Variants in FCHSD2 observed in about 807,000 individuals in gnomAD.
FCHSD2 encodes the protein FCH and double SH3 domains 2, also known as F-BAR and double SH3 domains protein 2.
In FCHSD2, 38 loss-of-function variants were observed where a neutral mutation model predicts 108.1. That is an observed-to-expected ratio of 0.35 (90% CI 0.27 to 0.46). The LOEUF is 0.46. Ranked by LOEUF, FCHSD2 falls within the 20% of genes least tolerant of loss-of-function variation. The pLI, the probability that FCHSD2 is intolerant of heterozygous loss-of-function variation, is 1.00. For missense variants in FCHSD2, 751 were observed against 897.8 expected (o/e 0.84, Z 2.09); for synonymous variants, 279 against 314.7 (o/e 0.89, Z 1.20).
At chr11:72,993,351 C>T (rs1402262992) in intron 5 of FCHSD2, among the ~76,000 whole-genome samples, 41 of 152,184 alleles carry the variant, frequency 2.7e-4, no homozygotes, top group Admixed American at 1.1e-3. Flanking sequence ...GTCAGTGTGG[C>T]GATTCCTCAG....
chr11:73,128,664 T>C (rs925958666), intron 2 of FCHSD2, among the ~76,000 whole-genome samples: 2 of 152,162 alleles, frequency 1.3e-5, no homozygotes, highest in African/African-American at 4.8e-5. Context: ...AGTTGTTATA[T>C]GAAAATATAG....
At chr11:73,053,608 A>G (rs1384450485) in intron 3 of FCHSD2, among the ~76,000 whole-genome samples, 2 of 152,200 alleles carry the variant, frequency 1.3e-5, no homozygotes, top group African/African-American at 4.8e-5. Context: ...CGTCAATCCA[A>G]CCTAGATTAG....
intron 8 of FCHSD2, among the ~76,000 whole-genome samples, chr11:72,976,528 C>T (rs1238201002): frequency 6.6e-6 from 1 of 152,128 alleles, no homozygotes; most frequent in African/African-American, 2.4e-5. Flanking sequence ...GATCCTCCCA[C>T]CCCCGCCTTC....
chr11:72,973,654 A>G (rs1420295916), intron 8 of FCHSD2, among the ~76,000 whole-genome samples: 2 of 152,096 alleles, frequency 1.3e-5, no homozygotes, highest in Non-Finnish European at 2.9e-5. Context: ...CTGTACTGAG[A>G]GTGTTTCATT....
At chr11:72,946,190 T>A (rs904397300) in intron 8 of FCHSD2, among the ~76,000 whole-genome samples, 14 of 152,092 alleles carry the variant, frequency 9.2e-5, no homozygotes, top group African/African-American at 3.1e-4. Flanking sequence ...ATGTGGCACA[T>A]ATACACCATG....
intron 3 of FCHSD2, among the ~76,000 whole-genome samples, chr11:73,081,196 G>C (rs919086810): frequency 6.6e-6 from 1 of 152,168 alleles, no homozygotes; most frequent in African/African-American, 2.4e-5. Flanking sequence ...AACACTTTGG[G>C]AGGCCGAGGC....
In FCHSD2 at chr11:72,840,651, A is replaced by T. The variant is rs568480826; in HGVS notation, c.2139+226T>A. ...TCACTTTCATAGCCATCATCTTGCA[A>T]TCTCACTGTGGCTCAGTGAAAAAAG... On this transcript the variant is annotated intron_variant, in intron 19 of 19. Coordinates refer to ENST00000409418, the MANE Select transcript of FCHSD2 (RefSeq NM_014824.3). 6.6e-5 allele frequency among the ~76,000 whole-genome samples: 10 copies of T among 152,318 alleles called. No homozygotes were observed. The East Asian group carries it at 1.9e-3, about 29-fold the overall frequency.
intron 3 of FCHSD2, among the ~76,000 whole-genome samples, chr11:73,074,539 C>A (rs1382211688): frequency 6.6e-6 from 1 of 152,036 alleles, no homozygotes; most frequent in East Asian, 1.9e-4. Context: ...TCAAGGTGGA[C>A]TTTAGGATAG....
At chr11:73,136,332 G>A (rs1035364462) in intron 2 of FCHSD2, among the ~76,000 whole-genome samples, 1 of 151,890 alleles carries the variant, frequency 6.6e-6, no homozygotes, top group Non-Finnish European at 1.5e-5. Flanking sequence ...GTGGCCTGAC[G>A]GTAGGACTGC....
chr11:72,891,317 TG>T (rs1357321948), intron 10 of FCHSD2, among the ~76,000 whole-genome samples: 3 of 152,242 alleles, frequency 2.0e-5, no homozygotes, highest in African/African-American at 7.2e-5. Flanking sequence ...TTAATATTTT[TG>T]TTGGGGGAAT....
rs1591472620 is a variant in FCHSD2 at position 73,001,075 on chromosome 11, C to T, written c.302G>A (p.Arg101Gln). 3 of 1,612,932 alleles carry T rather than the reference C, an allele frequency of 1.9e-6. No individual in the cohort carries two copies. The highest frequency in any genetic ancestry group is 1.3e-5 in the African/African-American group (1 of 74,992). The change falls in exon 5 of 20, where the codon CGG becomes CAG. Residue 101 changes from arginine to glutamine, a missense_variant. Coordinates refer to ENST00000409418, the MANE Select transcript of FCHSD2 (RefSeq NM_014824.3). ...LEGTMQVAQS[R>Q]MNICENYKNF... ...TTTATAGTTTTCACATATATTCATC[C>T]GAGACTGGGCTACCTGCATTGTTCC...
chr11:73,131,599 G>C (rs552160250), intron 2 of FCHSD2, among the ~76,000 whole-genome samples: 2 of 151,788 alleles, frequency 1.3e-5, no homozygotes. Context: ...AGCTACTCGG[G>C]AGGCTGAGGC....
chr11:73,089,606 A>G (rs1222287795), intron 2 of FCHSD2, among the ~76,000 whole-genome samples: 1 of 152,250 alleles, frequency 6.6e-6, no homozygotes, highest in Non-Finnish European at 1.5e-5. Context: ...CAGCCATAAG[A>G]AAGAATGAAG....
intron 8 of FCHSD2, 126 bp from the exon 9 acceptor site, chr11:72,922,076 G>C (rs1241177168): frequency 6.5e-6 from 4 of 612,558 alleles, no homozygotes; most frequent in Non-Finnish European, 1.1e-5. Context: ...ATGGACAAAA[G>C]ATACAGATTG....
At chr11:73,024,281 CA>C (rs1858177583) in intron 3 of FCHSD2, among the ~76,000 whole-genome samples, 2 of 151,964 alleles carry the variant, frequency 1.3e-5, no homozygotes, top group South Asian at 4.2e-4. Flanking sequence ...AATGAAGGGG[CA>C]AATTTTATAA....
intron 2 of FCHSD2, among the ~76,000 whole-genome samples, chr11:73,139,373 G>C (rs1255347711): frequency 6.6e-6 from 1 of 152,120 alleles, no homozygotes; most frequent in Non-Finnish European, 1.5e-5. Context: ...AATCTTTGTT[G>C]AACTGTCAGT....
intron 3 of FCHSD2, among the ~76,000 whole-genome samples, chr11:73,024,600 A>G (rs1361407292): frequency 1.3e-5 from 2 of 152,140 alleles, no homozygotes; most frequent in Non-Finnish European, 1.5e-5. Flanking sequence ...AGTTCAATAT[A>G]TATTTTGTTG....
chr11:72,842,540 ACTTTTGTGTGGATC>A, intron 17 of FCHSD2, 67 bp downstream of exon 17: 1 of 1,560,228 alleles, frequency 6.4e-7, no homozygotes, highest in Admixed American at 1.8e-5. Context: ...ACTGCAGCCC[ACTTTTGTGTGGATC>A]CACAGACCCT....
intron 8 of FCHSD2, among the ~76,000 whole-genome samples, chr11:72,937,085 T>C (rs557546958): frequency 1.4e-3 from 210 of 152,326 alleles, no homozygotes; most frequent in African/African-American, 4.9e-3. Flanking sequence ...GAGTTCTTCC[T>C]TAGCTGTGGT....
Sources: gnomAD v4.1 joint callset for allele counts (sites outside exome capture counted in the v4.1 genomes callset) on GRCh38, gnomAD v4.1.1 for gene constraint, MANE v1.5 for transcripts, NCBI Gene and HGNC (gene_info 2026-07-23, HGNC 2026-07-21) for gene names.